The following SETD1A variants were observed in gnomAD, a reference collection of about 807,000 sequenced individuals.
SETD1A encodes SET domain containing 1A, histone lysine methyltransferase.
SETD1A carries 29 observed loss-of-function variants against 149.9 expected under a neutral mutation model. That is an observed-to-expected ratio of 0.19 (90% CI 0.14 to 0.26). The LOEUF (loss-of-function observed/expected upper bound fraction) is 0.26, where lower values mean the gene tolerates loss of function less well. Ranked by LOEUF, SETD1A falls within the 10% of genes least tolerant of loss-of-function variation. The pLI, the probability that SETD1A is intolerant of heterozygous loss-of-function variation, is 1.00. For missense variants in SETD1A, 2,109 were observed against 2,353.1 expected (o/e 0.90, Z 2.15); for synonymous variants, 1,141 against 968.5 (o/e 1.18, Z -3.31).
intron 13 of SETD1A, 40 bp downstream of exon 13, chr16:30,971,759 TGA>T (rs368441855): frequency 5.2e-4 from 773 of 1,494,232 alleles, no homozygotes; most frequent in South Asian, 1.5e-3. Flanking sequence ...GCTGTGTGTG[TGA>T]GAGAGAGAGA....
intron 8 of SETD1A, 46 bp downstream of exon 8, chr16:30,966,432 G>T (rs768554556): frequency 5.0e-5 from 77 of 1,548,532 alleles, no homozygotes; most frequent in Non-Finnish European, 6.5e-5. Context: ...TTTGCAGGAG[G>T]AAATGGGCCT....
At position 30,968,809 on chromosome 16, in the gene SETD1A, A is replaced by AT. The variant is rs1029806666; in HGVS notation, c.2771-496_2771-495insT. 3.9e-3 allele frequency among the ~76,000 whole-genome samples: 590 copies of AT among 151,068 alleles called. 2 individuals carry two copies. Among genetic ancestry groups the AT allele is most frequent in the Admixed American group, 5.3e-3 (80 of 15,190 alleles). ...AGCGAGACTCCGTCTCAAAAAAAAAAATATATATATATATGCCAGGCACGA... is the reference window on the plus strand; with the variant it reads ...AGCGAGACTCCGTCTCAAAAAAAAAATATATATATATATATGCCAGGCACGA... On this transcript the variant is annotated intron_variant, in intron 10 of 18. Coordinates refer to ENST00000262519, the MANE Select transcript of SETD1A (RefSeq NM_014712.3).
Position 30,964,616 on chromosome 16 carries a change from A to C in SETD1A, c.874A>C (p.Thr292Pro). ...SQDSAYSSST[T>P]STSFKPRRSE... is the part of the protein sequence containing the mutation. ...ACTCCCCTGCTTCTTCTCCAGCACC[A>C]CTTCAACCTCCTTCAAGCCCCGGCG... is the stretch of plus-strand genomic sequence containing the variant. Residue 292 changes from threonine to proline, a missense_variant, in exon 7 of 19, where the codon ACT becomes CCT. Thr to Pro is a conservative substitution (Grantham distance 38). This residue lies in a region of SETD1A where 410 missense variants were observed against 394.8 expected (regional missense o/e 1.04). Coordinates refer to ENST00000262519, the MANE Select transcript of SETD1A (RefSeq NM_014712.3). 1 of 1,611,780 alleles carries C rather than the reference A, an allele frequency of 6.2e-7. No individual in the cohort carries two copies. The highest frequency in any genetic ancestry group is 8.5e-7 in the Non-Finnish European group (1 of 1,178,832).
At chr16:30,966,691 G>T in intron 8 of SETD1A, among the ~76,000 whole-genome samples, 193 bp from the exon 9 acceptor site, 1 of 152,208 alleles carries the variant, frequency 6.6e-6, no homozygotes, top group Non-Finnish European at 1.5e-5. Flanking sequence ...GGGAATGGTG[G>T]CTATTTCTTA....
chr16:30,980,328 T>C lies in SETD1A; in HGVS notation c.4408+134T>C. On this transcript the variant is annotated intron_variant, in intron 14 of 18. Coordinates refer to ENST00000262519, the MANE Select transcript of SETD1A (RefSeq NM_014712.3). The surrounding 1 kb of genome is among the most constrained non-coding windows in gnomAD (Gnocchi z 7.7). ...CTTTTCTCTCCTCCTGGTGCCTCTT[T>C]TCTGCCTTCCAAAGCATTTCTGGCA... The C allele has an allele frequency of 7.0e-7, 1 of 1,438,176 alleles. No homozygotes were observed. Among genetic ancestry groups the C allele is most frequent in the Non-Finnish European group, 9.3e-7 (1 of 1,075,642 alleles). The allele number at this position is 1,438,176 out of a possible 1,614,324, so 89.1% of individuals were successfully genotyped here. A position where few individuals can be genotyped will look rare whatever the true frequency, so the allele number is the denominator to read the frequency against.
rs754570364 is a variant in SETD1A at position 30,979,222 on chromosome 16, C to G, written c.3436C>G (p.Arg1146Gly). The G allele has an allele frequency of 6.3e-7, 1 of 1,588,838 alleles. No homozygotes were observed. The highest frequency in any genetic ancestry group is 8.6e-7 in the Non-Finnish European group (1 of 1,166,708). Reference sequence around the variant, plus strand: ...TGCTGGGCCCCCGGCCCCTGCCCCACGCCCCGATGAGCGTCCCTCTTCTCC... The same window carrying G: ...TGCTGGGCCCCCGGCCCCTGCCCCAGGCCCCGATGAGCGTCCCTCTTCTCC... ...PPAGPPAPAP[R>G]PDERPSSPIP... Residue 1146 changes from arginine to glycine, a missense_variant, in exon 14 of 19, where the codon CGC becomes GGC. Around this residue, in one of 8 missense-constraint regions of SETD1A, gnomAD observed 832 missense variants for 815.6 expected, o/e 1.02. Coordinates refer to ENST00000262519, the MANE Select transcript of SETD1A (RefSeq NM_014712.3).
At chr16:30,958,130 T>G in intron 1 of SETD1A, among the ~76,000 whole-genome samples, 166 bp downstream of exon 1, 1 of 139,016 alleles carries the variant, frequency 7.2e-6, no homozygotes, top group Non-Finnish European at 1.6e-5. Context: ...AGCGGGTGAG[T>G]GGGGCCGCGC....
rs941569139 is a variant in SETD1A, at chr16:30,964,199, T to C, written c.745T>C (p.Phe249Leu). The C allele has an allele frequency of 5.0e-6, 8 of 1,613,960 alleles. No homozygotes were observed. The highest frequency in any genetic ancestry group is 2.7e-5 in the African/African-American group (2 of 74,882). ...NGTPCSQDTSFSSSRQDTPSS... is the reference protein window; with the variant it reads ...NGTPCSQDTSLSSSRQDTPSS... ...CACCCCCTGCTCCCAGGACACAAGC[T>C]TCTCCAGCAGCCGACAAGATACCCC... Residue 249 changes from phenylalanine to leucine, a missense_variant, in exon 6 of 19, where the codon TTC (phenylalanine) becomes CTC (leucine). Physicochemically the swap from Phe to Leu is conservative, Grantham distance 22 (BLOSUM62 0). Coordinates refer to ENST00000262519, the MANE Select transcript of SETD1A (RefSeq NM_014712.3).
At chr16:30,975,571 C>T (rs1305788833) in intron 13 of SETD1A, among the ~76,000 whole-genome samples, 1 of 151,150 alleles carries the variant, frequency 6.6e-6, no homozygotes, top group East Asian at 2.0e-4. Flanking sequence ...GCTGGGATTA[C>T]AGGTGCACAC....
At chr16:30,962,221 C>T (rs760085119) in intron 4 of SETD1A, among the ~76,000 whole-genome samples, 5 of 152,228 alleles carry the variant, frequency 3.3e-5, no homozygotes, top group Middle Eastern at 3.4e-3. Context: ...TGCGCCACTA[C>T]GCCCGGCTAA....
In SETD1A at chr16:30,961,731, G is replaced by C. The variant is rs542666694; in HGVS notation, c.517+194G>C. On this transcript the variant is annotated intron_variant, in intron 4 of 18. Transcript: ENST00000262519. The surrounding 1 kb of genome is among the most constrained non-coding windows in gnomAD (Gnocchi z 4.0). ...TTTGTGTGTGTGGTGTCTCCAGCAAGGTCGGGCAATAGGCCATAATCAAGC... is the reference window on the plus strand; with the variant it reads ...TTTGTGTGTGTGGTGTCTCCAGCAACGTCGGGCAATAGGCCATAATCAAGC... Among the ~76,000 whole-genome samples, 39 of 151,880 alleles carry C rather than the reference G, an allele frequency of 2.6e-4. No homozygotes were observed. Among genetic ancestry groups the C allele is most frequent in the Admixed American group, 9.8e-4 (15 of 15,246 alleles).
At chr16:30,973,536 T>C (rs1274179946) in intron 13 of SETD1A, among the ~76,000 whole-genome samples, 1 of 152,048 alleles carries the variant, frequency 6.6e-6, no homozygotes, top group African/African-American at 2.4e-5. Context: ...GTACCTGTAG[T>C]CCCAGCTACT....
At chr16:30,977,231 C>G (rs369611544) in intron 13 of SETD1A, among the ~76,000 whole-genome samples, 9 of 152,166 alleles carry the variant, frequency 5.9e-5, no homozygotes, top group African/African-American at 2.2e-4. Context: ...GGCGTGAGCC[C>G]CCTCGCCCGG....
intron 13 of SETD1A, 72 bp from the exon 14 acceptor site, chr16:30,979,073 G>A (rs2056322249): frequency 6.9e-7 from 1 of 1,440,072 alleles, no homozygotes. Flanking sequence ...ACAGCCTGTG[G>A]TCATGGGCGG....
At chr16:30,964,415 T>G (rs1160143839) in intron 6 of SETD1A, 92 bp downstream of exon 6, 7 of 1,328,062 alleles carry the variant, frequency 5.3e-6, no homozygotes, top group Admixed American at 2.1e-5. Context: ...CAAGAGGGAG[T>G]TGGAAATAAT....
chr16:30,980,862 T>A lies in SETD1A; in HGVS notation c.4692+13T>A, dbSNP rs763672458. ...CAACCAGCTCAAGGTGAGGCTGGGC[T>A]GCAGGAGGGGCTGGGTGGGGTGGGG... On this transcript the variant is annotated intron_variant, in intron 16 of 18. Coordinates refer to ENST00000262519, the MANE Select transcript of SETD1A (RefSeq NM_014712.3). This position sits in a 1 kb window ranked among gnomAD's most constrained non-coding sequence, Gnocchi z 7.7. 21 of 485,682 alleles carry A rather than the reference T, an allele frequency of 4.3e-5. No individual in the cohort carries two copies. The highest frequency in any genetic ancestry group is 2.8e-4 in the East Asian group (4 of 14,040). 30.1% of individuals were successfully genotyped at this position (485,682 alleles called of 1,614,324 possible).
In SETD1A at chr16:30,966,431, G is replaced by A. The variant is rs1471815860; in HGVS notation, c.2505+45G>A. ...CCGGGGAGCCCTGGGCTTTGCAGGA[G>A]GAAATGGGCCTCTGGCTCCTCCAGG... On this transcript the variant is annotated intron_variant, in intron 8 of 18. Coordinates refer to ENST00000262519, the MANE Select transcript of SETD1A (RefSeq NM_014712.3). The A allele has an allele frequency of 1.0e-5, 16 of 1,550,246 alleles. No individual in the cohort carries two copies. In the East Asian group the frequency reaches 2.7e-4, roughly 26 times the overall value.
Position 30,971,417 on chromosome 16 carries a change from T to C in SETD1A, c.3056T>C (p.Leu1019Pro), listed in dbSNP as rs772337739. The C allele has an allele frequency of 6.8e-6, 11 of 1,609,858 alleles. No individual in the cohort carries two copies. Among genetic ancestry groups the C allele is most frequent in the Non-Finnish European group, 9.3e-6 (11 of 1,177,086 alleles). ...EESDSSSKCSLYADSDGENDS... is the reference protein window; with the variant it reads ...EESDSSSKCSPYADSDGENDS... ...AGCGATTCGTCTTCCAAATGTTCTC[T>C]GTATGCTGACTCAGATGGCGAAAAT... Residue 1019 changes from leucine (L) to proline (P), a missense_variant, in exon 13 of 19, where the codon CTG (leucine) becomes CCG (proline). Around this residue, in one of 8 missense-constraint regions of SETD1A, gnomAD observed 832 missense variants for 815.6 expected, o/e 1.02. Coordinates refer to ENST00000262519, the MANE Select transcript of SETD1A (RefSeq NM_014712.3).
chr16:30,973,246 C>T (rs1049267704), intron 13 of SETD1A, among the ~76,000 whole-genome samples: 19 of 151,900 alleles, frequency 1.3e-4, no homozygotes, highest in Admixed American at 2.6e-4. Context: ...ATGTATGTTT[C>T]GAAAAAATGC....
Sources: allele counts gnomAD v4.1 joint callset (sites outside exome capture counted in the v4.1 genomes callset), GRCh38; gene constraint gnomAD v4.1.1; regional missense constraint gnomAD v4.1.1; non-coding constraint Gnocchi (gnomAD v3.1); transcripts MANE v1.5; gene names NCBI Gene and HGNC (gene_info 2026-07-23, HGNC 2026-07-21).